The following DCC variants were observed in gnomAD, a reference collection of about 807,000 sequenced individuals.
DCC encodes DCC netrin 1 receptor.
DCC carries 58 observed loss-of-function variants against 172.5 expected under a neutral mutation model. The ratio of observed to expected loss-of-function variants is 0.34; its 90% CI spans 0.27 to 0.42. The LOEUF (loss-of-function observed/expected upper bound fraction) is 0.42, where lower values mean the gene tolerates loss of function less well. DCC is among the 10% of genes least tolerant of loss of function. The pLI, the probability that DCC is intolerant of heterozygous loss-of-function variation, is 1.00. For missense variants in DCC, 1,740 were observed against 1,791.0 expected, an observed-to-expected ratio of 0.97 and a Z score of 0.51; for synonymous variants, 709 against 644.5, an observed-to-expected ratio of 1.10 and a Z score of -1.52.
rs1598852399 is a variant in DCC, at chr18:52,481,649, A to T, written c.91+140771A>T. Among the ~76,000 whole-genome samples the T allele has an allele frequency of 2.0e-5, 3 of 152,132 alleles. No homozygotes were observed. The East Asian group carries it at 5.8e-4, about 29-fold the overall frequency. On this transcript the variant is annotated intron_variant, in intron 1 of 28. Transcript: ENST00000442544. ...CAGGTTTGTTAAACAGCCTGTCCAG[A>T]TTCCCTTCCTGATATTTTCTAAGAA... is the stretch of plus-strand genomic sequence containing the variant.
intron 1 of DCC, among the ~76,000 whole-genome samples, chr18:52,494,117 G>A (rs1195059787): frequency 6.6e-6 from 1 of 152,014 alleles, no homozygotes; most frequent in African/African-American, 2.4e-5. Flanking sequence ...TTCTAAGTTG[G>A]AATTTATTTT....
At chr18:53,275,033 A>G (rs2056789876) in intron 12 of DCC, among the ~76,000 whole-genome samples, 1 of 152,124 alleles carries the variant, frequency 6.6e-6, no homozygotes, top group Non-Finnish European at 1.5e-5. Flanking sequence ...TGAAAATTTT[A>G]AATTGTCAAT....
rs1014286085 is a variant in DCC, at chr18:52,907,537, C to T, written c.697+1209C>T. ...TCTCAGGTGTTCCTCCCACCTCAGCCTCAGTAGCTGGGACCACAGAATTGT... is the reference window on the plus strand; with the variant it reads ...TCTCAGGTGTTCCTCCCACCTCAGCTTCAGTAGCTGGGACCACAGAATTGT... On this transcript the variant is annotated intron_variant, in intron 3 of 28. Coordinates refer to ENST00000442544, the MANE Select transcript of DCC (RefSeq NM_005215.4). Among the ~76,000 whole-genome samples the T allele has an allele frequency of 3.3e-5, 5 of 152,212 alleles. 1 individual carries two copies. In the South Asian group the frequency reaches 1.0e-3, roughly 32 times the overall value.
intron 2 of DCC, among the ~76,000 whole-genome samples, chr18:52,903,352 G>A (rs546284494): frequency 1.4e-4 from 21 of 152,024 alleles, no homozygotes; most frequent in Non-Finnish European, 2.5e-4. Flanking sequence ...CCACAGGTGT[G>A]TGCCACCACA....
In DCC at chr18:52,635,237, A is replaced by G. The variant is rs146288753; in HGVS notation, c.92-116817A>G. On this transcript the variant is annotated intron_variant, in intron 1 of 28. Coordinates refer to ENST00000442544, the MANE Select transcript of DCC (RefSeq NM_005215.4). ...ATAACACCTCTCTCCAAGAAACTCA[A>G]AAATCTCTGCAAATATTGCTTTCCA... Among the ~76,000 whole-genome samples, 4 of 152,314 alleles carry G rather than the reference A, an allele frequency of 2.6e-5. No individual in the cohort carries two copies. In the East Asian group the frequency reaches 7.7e-4, roughly 29 times the overall value.
At chr18:53,049,598 A>T (rs1019018561) in intron 5 of DCC, among the ~76,000 whole-genome samples, 1 of 152,080 alleles carries the variant, frequency 6.6e-6, no homozygotes, top group Non-Finnish European at 1.5e-5. Flanking sequence ...CTTGTAGTAT[A>T]GTTAGAAATT....
At chr18:53,157,632 A>G (rs2144398114) in intron 8 of DCC, 120 bp downstream of exon 8, 6 of 989,752 alleles carry the variant, frequency 6.1e-6, no homozygotes, top group Non-Finnish European at 9.3e-6. Context: ...AATCTCTACT[A>G]TGTCCTTCAC....
chr18:52,931,623 C>T (rs1242856311), intron 5 of DCC, among the ~76,000 whole-genome samples: 1 of 152,020 alleles, frequency 6.6e-6, no homozygotes, highest in Non-Finnish European at 1.5e-5. Context: ...ATTTTGTTTC[C>T]TTCTTATAAA....
intron 22 of DCC, among the ~76,000 whole-genome samples, chr18:53,442,284 C>T (rs1912324936): frequency 6.6e-6 from 1 of 152,212 alleles, no homozygotes; most frequent in African/African-American, 2.4e-5. Flanking sequence ...TTTCTAACAG[C>T]TTGTGCTCAC....
chr18:52,853,322 G>A (rs914949229), intron 2 of DCC, among the ~76,000 whole-genome samples: 1 of 152,202 alleles, frequency 6.6e-6, no homozygotes, highest in Non-Finnish European at 1.5e-5. Flanking sequence ...AGAAGAAGTC[G>A]TAAGACCATC....
chr18:53,179,022 G>A lies in DCC; in HGVS notation c.1479G>A (p.Lys493=), dbSNP rs772474178. 3 of 1,613,968 alleles carry A rather than the reference G, an allele frequency of 1.9e-6. No individual in the cohort carries two copies. Among genetic ancestry groups the A allele is most frequent in the Non-Finnish European group, 2.5e-6 (3 of 1,179,980 alleles). The change falls in exon 9 of 29, where the codon AAG becomes AAA. Residue 493 remains lysine (K), a synonymous_variant. Transcript: ENST00000442544. ...GSLQLTVGNL[K]PEAMYTFRVV... ...TTCAGCTCACTGTGGGAAACCTGAA[G>A]CCAGAAGCCATGTACACCTTTCGAG... is the stretch of plus-strand genomic sequence containing the variant.
intron 7 of DCC, among the ~76,000 whole-genome samples, chr18:53,150,868 C>T (rs983631769): frequency 6.6e-6 from 1 of 152,198 alleles, no homozygotes; most frequent in African/African-American, 2.4e-5. Flanking sequence ...CCTAGCTCCG[C>T]ACTCTCAGAG....
intron 2 of DCC, among the ~76,000 whole-genome samples, chr18:52,839,140 A>G (rs1336873063): frequency 6.6e-6 from 1 of 152,202 alleles, no homozygotes; most frequent in Non-Finnish European, 1.5e-5. Context: ...TCCTATAAAA[A>G]CGTTTTACTT....
chr18:52,446,199 G>A (rs529377785), intron 1 of DCC, among the ~76,000 whole-genome samples: 78 of 152,270 alleles, frequency 5.1e-4, no homozygotes, highest in Non-Finnish European at 8.4e-4. Flanking sequence ...GGGATTACAA[G>A]CGTAAGCCAC....
In DCC at chr18:53,136,219, A is replaced by T. The variant is rs536150909; in HGVS notation, c.1262-21137A>T. Among the ~76,000 whole-genome samples the T allele has an allele frequency of 4.2e-3, 632 of 151,986 alleles. 3 individuals are homozygous for T. Among genetic ancestry groups the T allele is most frequent in the African/African-American group, 0.014 (579 of 41,414 alleles). ...TATCTATCTATCTATCTATATATAT[A>T]TACACACACACACACATACATGCAT... On this transcript the variant is annotated intron_variant, in intron 7 of 28. Transcript: ENST00000442544.
At chr18:53,223,257 T>A (rs560707247) in intron 12 of DCC, among the ~76,000 whole-genome samples, 4 of 152,308 alleles carry the variant, frequency 2.6e-5, no homozygotes, top group African/African-American at 9.6e-5. Context: ...ATGTTATATT[T>A]TTGTCTTTTC....
intron 1 of DCC, among the ~76,000 whole-genome samples, chr18:52,741,228 G>T (rs1351168592): frequency 6.6e-6 from 1 of 152,100 alleles, no homozygotes; most frequent in African/African-American, 2.4e-5. Context: ...TTAAAAATGG[G>T]TCCTGAATAT....
intron 13 of DCC, among the ~76,000 whole-genome samples, chr18:53,309,439 T>C (rs8084830): frequency 0.38 from 57,335 of 151,964 alleles, 11,510 homozygotes; most frequent in East Asian, 0.59. Flanking sequence ...AAAGACCCTA[T>C]TTCCAAATAA....
chr18:53,092,114 T>C (rs1180332227), intron 7 of DCC, among the ~76,000 whole-genome samples: 4 of 152,182 alleles, frequency 2.6e-5, no homozygotes, highest in African/African-American at 9.6e-5. Context: ...TTCATTTTCG[T>C]CACATAAATT....
Sources: gnomAD v4.1 joint callset for allele counts (sites outside exome capture counted in the v4.1 genomes callset) on GRCh38, gnomAD v4.1.1 for gene constraint, MANE v1.5 for transcripts, NCBI Gene and HGNC (gene_info 2026-07-23, HGNC 2026-07-21) for gene names.